PNPT1: variants seen among roughly 807,000 people sequenced by gnomAD.
PNPT1 encodes the protein polyribonucleotide nucleotidyltransferase 1, also known as polyribonucleotide nucleotidyltransferase 1, mitochondrial.
PNPT1 carries 53 observed loss-of-function variants against 119.5 expected under a neutral mutation model. The observed-to-expected ratio is 0.44, with a 90% CI of 0.36 to 0.56. The LOEUF (loss-of-function observed/expected upper bound fraction) is 0.56. PNPT1 is among the 20% of genes least tolerant of loss of function. The probability of loss-of-function intolerance (pLI) is 0.00; values close to 1 mark genes in which losing one functional copy is unlikely to be tolerated. For missense variants in PNPT1, 948 were observed against 938.5 expected (o/e 1.01, Z -0.13); for synonymous variants, 357 against 322.1 (o/e 1.11, Z -1.16).
chr2:55,675,744 G>C (rs1380384891), intron 8 of PNPT1, among the ~76,000 whole-genome samples: 1 of 152,126 alleles, frequency 6.6e-6, no homozygotes, highest in Non-Finnish European at 1.5e-5. Flanking sequence ...TGAGTCTACA[G>C]AGCTGTGCTG....
At chr2:55,672,810 G>C in intron 9 of PNPT1, 83 bp downstream of exon 9, 1 of 1,296,762 alleles carries the variant, frequency 7.7e-7, no homozygotes, top group East Asian at 2.4e-5. Flanking sequence ...TGCATGGGCA[G>C]TGCTTCCATG....
chr2:55,660,679 G>A lies in PNPT1; in HGVS notation c.1248-486C>T, dbSNP rs9967818. Reference sequence around the variant, plus strand: ...AGAGGACTAAAGGAATCACAGATTTGGTGAGCCAGAGAGGATTATAGCAGG... The same window carrying A: ...AGAGGACTAAAGGAATCACAGATTTAGTGAGCCAGAGAGGATTATAGCAGG... On this transcript the variant is annotated intron_variant, in intron 14 of 27. Coordinates refer to ENST00000447944, the MANE Select transcript of PNPT1 (RefSeq NM_033109.5). Among the ~76,000 whole-genome samples the A allele has an allele frequency of 3.6e-3, 542 of 152,320 alleles. 3 individuals carry two copies. Among genetic ancestry groups the A allele is most frequent in the African/African-American group, 0.011 (454 of 41,572 alleles).
Position 55,640,613 on chromosome 2 carries a change from A to G in PNPT1, c.2148+14T>C, listed in dbSNP as rs1381994940. On this transcript the variant is annotated intron_variant, in intron 26 of 27. Transcript: ENST00000447944. ...CAGTTATAAAAATAATAACAATAAC[A>G]TCTGTCTTTTTACCTTTCGTTGATC... is the stretch of plus-strand genomic sequence containing the variant. The G allele has an allele frequency of 2.6e-6, 4 of 1,546,544 alleles. No homozygotes were observed. Among genetic ancestry groups the G allele is most frequent in the Admixed American group, 3.4e-5 (2 of 59,160 alleles).
At chr2:55,664,900 A>G (rs907236644) in intron 13 of PNPT1, among the ~76,000 whole-genome samples, 1 of 152,126 alleles carries the variant, frequency 6.6e-6, no homozygotes, top group Non-Finnish European at 1.5e-5. Context: ...TCAGATTAAT[A>G]TAAAAATTTA....
At chr2:55,691,850 A>T (rs1244643099) in intron 1 of PNPT1, among the ~76,000 whole-genome samples, 2 of 59,012 alleles carry the variant, frequency 3.4e-5, no homozygotes, top group African/African-American at 1.4e-4. Context: ...AAAAATGTTT[A>T]TATATATATA....
intron 4 of PNPT1, among the ~76,000 whole-genome samples, chr2:55,684,072 C>G (rs1252089811): frequency 2.0e-5 from 3 of 152,194 alleles, no homozygotes; most frequent in Admixed American, 2.0e-4. Context: ...AGCAATTTTT[C>G]ATTCTGGTTC....
intron 1 of PNPT1, among the ~76,000 whole-genome samples, chr2:55,689,184 A>G (rs1318837946): frequency 6.6e-6 from 1 of 152,272 alleles, no homozygotes; most frequent in Non-Finnish European, 1.5e-5. Context: ...CAAACCATGT[A>G]TCTGATAAGG....
At chr2:55,684,622 TA>T (rs1343263686) in intron 4 of PNPT1, among the ~76,000 whole-genome samples, 56 of 152,354 alleles carry the variant, frequency 3.7e-4, no homozygotes, top group Admixed American at 1.2e-3. Flanking sequence ...GTACTAGGAA[TA>T]GATTCAACAA....
At position 55,661,982 on chromosome 2, in the gene PNPT1, C is replaced by T. The variant is rs1696593127; in HGVS notation, c.1221G>A (p.Lys407=). 6.4e-7 allele frequency: 1 copy of T among 1,574,420 alleles called. No individual in the cohort carries two copies. Among genetic ancestry groups the T allele is most frequent in the African/African-American group, 1.4e-5 (1 of 72,374 alleles). Residue 407 remains lysine, a synonymous_variant, in exon 14 of 28, where the codon AAG becomes AAA. Coordinates refer to ENST00000447944, the MANE Select transcript of PNPT1 (RefSeq NM_033109.5). ...VTFDSLESGI[K]SDQVITAING... ...TTATAGCTGTTATAACTTGATCTGA[C>T]TTAATACCAGATTCTAATGAATCAA...
intron 13 of PNPT1, among the ~76,000 whole-genome samples, chr2:55,663,865 C>T (rs1696654773): frequency 6.6e-6 from 1 of 152,054 alleles, no homozygotes; most frequent in African/African-American, 2.4e-5. Flanking sequence ...CGCCTATAGT[C>T]CCAGCTACTT....
chr2:55,690,857 T>C (rs1444075017), intron 1 of PNPT1, among the ~76,000 whole-genome samples: 3 of 152,128 alleles, frequency 2.0e-5, no homozygotes, highest in Non-Finnish European at 4.4e-5. Context: ...GTTGAGTAGA[T>C]GGAAGGAATG....
At position 55,637,553 on chromosome 2, in the gene PNPT1, T is replaced by C. The variant is rs772389842; in HGVS notation, c.2195A>G (p.Gln732Arg). Reference sequence around the variant, plus strand: ...GGCTAAAAGGTGGAATACAAATACCTGAATTTCTTGGCCAACTTCTAATCC... The same window carrying C: ...GGCTAAAAGGTGGAATACAAATACCCGAATTTCTTGGCCAACTTCTAATCC... ...ALGLEVGQEI[Q>R]VKYFGRDPAD... The change falls in exon 27 of 28, where the codon CAG becomes CGG. Residue 732 changes from glutamine to arginine, a missense_variant and splice_region_variant. Gln to Arg is a conservative substitution (Grantham distance 43). Transcript: ENST00000447944. 6.3e-7 allele frequency: 1 copy of C among 1,599,918 alleles called. No homozygotes were observed. Among genetic ancestry groups the C allele is most frequent in the South Asian group, 1.1e-5 (1 of 90,782 alleles).
intron 25 of PNPT1, among the ~76,000 whole-genome samples, 195 bp from the exon 26 acceptor site, chr2:55,640,900 T>C (rs1695814788): frequency 6.6e-6 from 1 of 151,956 alleles, no homozygotes; most frequent in Non-Finnish European, 1.5e-5. Context: ...AATCAAAGAA[T>C]GAAGAAAAGA....
chr2:55,668,370 G>A (rs1022218724), intron 11 of PNPT1, among the ~76,000 whole-genome samples: 1 of 152,058 alleles, frequency 6.6e-6, no homozygotes, highest in African/African-American at 2.4e-5. Context: ...CTGAGTAGCT[G>A]GGACTACAGG....
intron 25 of PNPT1, among the ~76,000 whole-genome samples, chr2:55,641,879 T>C (rs1170484598): frequency 6.6e-6 from 1 of 150,850 alleles, no homozygotes; most frequent in Non-Finnish European, 1.5e-5. Flanking sequence ...TCTCGCTCTG[T>C]CGCCCAGGCT....
At chr2:55,673,510 G>A (rs566082697) in intron 8 of PNPT1, among the ~76,000 whole-genome samples, 4 of 151,030 alleles carry the variant, frequency 2.6e-5, no homozygotes, top group South Asian at 2.1e-4. Flanking sequence ...GTGCAGTGGC[G>A]CAATCTCGGC....
chr2:55,644,347 C>T (rs917390173), intron 23 of PNPT1, among the ~76,000 whole-genome samples: 1 of 152,056 alleles, frequency 6.6e-6, no homozygotes, highest in Non-Finnish European at 1.5e-5. Flanking sequence ...AATAATTCCT[C>T]TAAAGTTAAA....
chr2:55,669,787 G>A (rs1471069248), intron 11 of PNPT1, among the ~76,000 whole-genome samples: 4 of 146,280 alleles, frequency 2.7e-5, no homozygotes, highest in African/African-American at 1.0e-4. Context: ...TTGAGATGGA[G>A]TCTTGCTCTA....
At chr2:55,668,590 GA>G (rs1313570238) in intron 11 of PNPT1, among the ~76,000 whole-genome samples, 1 of 151,200 alleles carries the variant, frequency 6.6e-6, no homozygotes, top group Non-Finnish European at 1.5e-5. Flanking sequence ...AGCCTTTATG[GA>G]AAAGGTCTGA....
Sources: allele counts gnomAD v4.1 joint callset (sites outside exome capture counted in the v4.1 genomes callset), GRCh38; gene constraint gnomAD v4.1.1; transcripts MANE v1.5; gene names NCBI Gene and HGNC (gene_info 2026-07-23, HGNC 2026-07-21).